The following RIT2 variants were observed in gnomAD, a reference collection of about 807,000 sequenced individuals.
RIT2 encodes GTP-binding protein Rit2.
Under a neutral mutation model 23.7 loss-of-function variants are expected in RIT2, and 24 were observed. The ratio of observed to expected loss-of-function variants is 1.01; its 90% CI spans 0.73 to 1.43. RIT2 has a LOEUF of 1.43. Among genes scored for constraint, RIT2 ranks in the 40% most tolerant of loss-of-function variants. The pLI, the probability that RIT2 is intolerant of heterozygous loss-of-function variation, is 0.00. For missense variants in RIT2, 236 were observed against 266.9 expected (o/e 0.88, Z 0.81); for synonymous variants, 107 against 91.1 (o/e 1.17, Z -0.99).
chr18:42,889,097 T>C (rs79901719), intron 4 of RIT2, among the ~76,000 whole-genome samples: 4,466 of 152,022 alleles, frequency 0.029, 219 homozygotes, highest in African/African-American at 0.1. Flanking sequence ...TTAAAAAGAT[T>C]GAAAAAACTA....
intron 4 of RIT2, among the ~76,000 whole-genome samples, chr18:42,903,466 T>C (rs1177589426): frequency 1.3e-5 from 2 of 152,110 alleles, no homozygotes; most frequent in Non-Finnish European, 2.9e-5. Context: ...ATAAAATATA[T>C]ATGTATAGAT....
At chr18:42,804,475 A>G (rs934028726) in intron 4 of RIT2, among the ~76,000 whole-genome samples, 1 of 151,282 alleles carries the variant, frequency 6.6e-6, no homozygotes, top group South Asian at 2.1e-4. Context: ...AAATCGCTTG[A>G]ACCCAGGAGG....
At chr18:43,040,975 T>C (rs1032645081) in intron 1 of RIT2, among the ~76,000 whole-genome samples, 12 of 152,168 alleles carry the variant, frequency 7.9e-5, no homozygotes, top group Admixed American at 1.3e-4. Flanking sequence ...AACCATACTT[T>C]TAAAAATTTT....
intron 4 of RIT2, among the ~76,000 whole-genome samples, chr18:42,755,402 C>T: frequency 6.6e-6 from 1 of 152,124 alleles, no homozygotes; most frequent in African/African-American, 2.4e-5. Flanking sequence ...ATGTGCTCCC[C>T]TACAGGTCTC....
At chr18:42,881,023 C>A (rs1028653161) in intron 4 of RIT2, among the ~76,000 whole-genome samples, 1 of 152,022 alleles carries the variant, frequency 6.6e-6, no homozygotes, top group Non-Finnish European at 1.5e-5. Context: ...TCAGACTTGT[C>A]CTGAACTTCC....
chr18:43,019,385 T>C (rs1911545779), intron 2 of RIT2, among the ~76,000 whole-genome samples: 1 of 151,906 alleles, frequency 6.6e-6, no homozygotes, highest in Non-Finnish European at 1.5e-5. Context: ...ATTCAACATA[T>C]GCAAATCAAT....
At chr18:42,883,174 C>T (rs1416486875) in intron 4 of RIT2, among the ~76,000 whole-genome samples, 1 of 151,816 alleles carries the variant, frequency 6.6e-6, no homozygotes, top group Non-Finnish European at 1.5e-5. Context: ...GATTGTATTT[C>T]AGAACCCCAG....
intron 4 of RIT2, among the ~76,000 whole-genome samples, chr18:42,794,638 AT>A (rs1369590394): frequency 1.3e-5 from 2 of 152,242 alleles, no homozygotes; most frequent in East Asian, 3.9e-4. Context: ...TTAAAAAAAT[AT>A]TTCACATGGA....
intron 3 of RIT2, among the ~76,000 whole-genome samples, chr18:42,954,013 G>T (rs1413160404): frequency 6.6e-6 from 1 of 152,032 alleles, no homozygotes; most frequent in Non-Finnish European, 1.5e-5. Context: ...AGTGTCTGAG[G>T]TTGCAAGAAA....
At chr18:43,034,011 G>T in intron 1 of RIT2, 144 bp from the exon 2 acceptor site, 1 of 580,020 alleles carries the variant, frequency 1.7e-6, no homozygotes. Flanking sequence ...CACACAAAAT[G>T]AAAACAATAA....
At chr18:42,763,461 CAA>C (rs35389876) in intron 4 of RIT2, among the ~76,000 whole-genome samples, 1 of 137,680 alleles carries the variant, frequency 7.3e-6, no homozygotes, top group Admixed American at 7.3e-5. Flanking sequence ...GACTCCGTCT[CAA>C]AAAAAAAAAA....
chr18:43,012,549 C>T (rs1314259116), intron 2 of RIT2, among the ~76,000 whole-genome samples: 1 of 151,510 alleles, frequency 6.6e-6, no homozygotes, highest in Non-Finnish European at 1.5e-5. Flanking sequence ...ATCTGTATTT[C>T]TACCTTTTCT....
intron 1 of RIT2, among the ~76,000 whole-genome samples, chr18:43,034,497 T>C (rs1055009893): frequency 6.6e-6 from 1 of 152,168 alleles, no homozygotes; most frequent in Admixed American, 6.5e-5. Flanking sequence ...ATTTCTATTG[T>C]AAAGTATTTC....
chr18:42,957,457 G>A (rs777782934), intron 3 of RIT2, among the ~76,000 whole-genome samples: 2 of 152,158 alleles, frequency 1.3e-5, no homozygotes, highest in Non-Finnish European at 2.9e-5. Context: ...TGGTCTGCAT[G>A]TTGACTTGCT....
intron 4 of RIT2, among the ~76,000 whole-genome samples, chr18:42,922,812 G>C (rs1442102708): frequency 6.6e-6 from 1 of 152,062 alleles, no homozygotes; most frequent in African/African-American, 2.4e-5. Context: ...ACTCTCTATT[G>C]ATCACATTGA....
At chr18:42,855,817 C>T (rs530665849) in intron 4 of RIT2, among the ~76,000 whole-genome samples, 1 of 152,232 alleles carries the variant, frequency 6.6e-6, no homozygotes, top group Non-Finnish European at 1.5e-5. Flanking sequence ...ACATCACATG[C>T]TACAAAAGGA....
At chr18:43,043,579 T>G (rs995537185) in intron 1 of RIT2, among the ~76,000 whole-genome samples, 2 of 151,858 alleles carry the variant, frequency 1.3e-5, no homozygotes, top group Non-Finnish European at 2.9e-5. Context: ...TTACCTGAGG[T>G]CAGGAGTTCA....
chr18:42,977,560 T>C (rs1229064480), intron 2 of RIT2, among the ~76,000 whole-genome samples: 2 of 151,850 alleles, frequency 1.3e-5, no homozygotes, highest in African/African-American at 4.8e-5. Context: ...TAATGGTGAG[T>C]AACTCTCACA....
chr18:42,796,219 A>G (rs1410530611), intron 4 of RIT2, among the ~76,000 whole-genome samples: 1 of 152,184 alleles, frequency 6.6e-6, no homozygotes. Context: ...CAGCAAGACC[A>G]GGAGCTCACT....
Sources: allele counts gnomAD v4.1 joint callset (sites outside exome capture counted in the v4.1 genomes callset), GRCh38; gene constraint gnomAD v4.1.1; transcripts MANE v1.5; gene names NCBI Gene and HGNC (gene_info 2026-07-23, HGNC 2026-07-21).